Variants in DLG2 observed in about 807,000 individuals in gnomAD.
DLG2 encodes disks large homolog 2.
In DLG2, 45 loss-of-function variants were observed where a neutral mutation model predicts 132.5. The ratio of observed to expected loss-of-function variants is 0.34; its 90% CI spans 0.27 to 0.44. The LOEUF is 0.44. DLG2 is among the 20% of genes least tolerant of loss of function. The probability of loss-of-function intolerance (pLI) is 1.00; values close to 1 mark genes in which losing one functional copy is unlikely to be tolerated. For synonymous variants in DLG2, 424 were observed against 419.6 expected (o/e 1.01, Z -0.13); for missense variants, 1,045 against 1,196.9 (o/e 0.87, Z 1.87).
chr11:85,415,234 C>T (rs990137210), intron 3 of DLG2, among the ~76,000 whole-genome samples: 1 of 152,186 alleles, frequency 6.6e-6, no homozygotes, highest in African/African-American at 2.4e-5. Context: ...ATATATGTGC[C>T]ACATTTTCTT....
chr11:84,235,776 A>G (rs952178536), intron 8 of DLG2, among the ~76,000 whole-genome samples: 23 of 152,298 alleles, frequency 1.5e-4, no homozygotes, highest in Middle Eastern at 3.4e-3. Flanking sequence ...GAGGCAGGGT[A>G]GTATAATGCT....
At chr11:83,791,964 T>C (rs964370878) in intron 17 of DLG2, among the ~76,000 whole-genome samples, 1 of 152,262 alleles carries the variant, frequency 6.6e-6, no homozygotes, top group African/African-American at 2.4e-5. Flanking sequence ...TAATATATTA[T>C]TGCCTTTTTA....
chr11:84,003,931 G>A (rs1043157852), intron 11 of DLG2, among the ~76,000 whole-genome samples: 1 of 151,986 alleles, frequency 6.6e-6, no homozygotes, highest in African/African-American at 2.4e-5. Flanking sequence ...TATTAAGTAG[G>A]AAGTCTGAAA....
chr11:83,873,043 T>C (rs895186131), intron 16 of DLG2, among the ~76,000 whole-genome samples: 5 of 152,200 alleles, frequency 3.3e-5, no homozygotes, highest in African/African-American at 1.2e-4. Context: ...TTCTGCACGA[T>C]GTCTAACTTA....
At chr11:85,279,904 T>C (rs916991436) in intron 4 of DLG2, among the ~76,000 whole-genome samples, 1 of 152,008 alleles carries the variant, frequency 6.6e-6, no homozygotes, top group East Asian at 1.9e-4. Flanking sequence ...GTAACAGTAA[T>C]AGGTTTAAAT....
intron 7 of DLG2, among the ~76,000 whole-genome samples, chr11:84,348,668 G>A (rs1004048734): frequency 1.3e-5 from 2 of 152,178 alleles, no homozygotes; most frequent in East Asian, 1.9e-4. Flanking sequence ...CCTAGTACCT[G>A]TTGTGACTGT....
chr11:84,786,233 C>T (rs570739107), intron 6 of DLG2, among the ~76,000 whole-genome samples: 2 of 152,242 alleles, frequency 1.3e-5, no homozygotes, highest in South Asian at 4.1e-4. Flanking sequence ...TAAACTGTAA[C>T]TACCCTAAGC....
chr11:83,508,654 CCATAACA>C (rs2094856509), intron 21 of DLG2, among the ~76,000 whole-genome samples: 1 of 152,024 alleles, frequency 6.6e-6, no homozygotes, highest in Non-Finnish European at 1.5e-5. Flanking sequence ...TGAATCCTCC[CCATAACA>C]CTATGACATA....
chr11:84,612,818 G>A (rs1442526538), intron 6 of DLG2, among the ~76,000 whole-genome samples: 1 of 152,004 alleles, frequency 6.6e-6, no homozygotes, highest in African/African-American at 2.4e-5. Flanking sequence ...TTTCACAGAT[G>A]ACTCAATCTG....
At position 84,835,345 on chromosome 11, in the gene DLG2, G is replaced by A. The variant is rs182790278; in HGVS notation, c.357+276316C>T. Among the ~76,000 whole-genome samples the A allele has an allele frequency of 2.3e-4, 35 of 151,700 alleles. No individual in the cohort carries two copies. The East Asian group carries it at 5.1e-3, about 22-fold the overall frequency. ...CCTACATTTTAATCTTCCTGTGTTT[G>A]CTTTATGATAGATGCAAATTTGGGT... On this transcript the variant is annotated intron_variant, in intron 6 of 27. Coordinates refer to ENST00000376104, the MANE Select transcript of DLG2 (RefSeq NM_001142699.3).
intron 15 of DLG2, among the ~76,000 whole-genome samples, chr11:83,881,191 T>C (rs1181678426): frequency 6.6e-6 from 1 of 152,204 alleles, no homozygotes; most frequent in Non-Finnish European, 1.5e-5. Flanking sequence ...TTGGATCCCA[T>C]ACTCCTGTCA....
intron 3 of DLG2, among the ~76,000 whole-genome samples, chr11:85,563,640 A>C (rs2077374230): frequency 6.6e-6 from 1 of 151,924 alleles, no homozygotes; most frequent in Non-Finnish European, 1.5e-5. Flanking sequence ...CATGTTGTAT[A>C]GTTTAATGAA....
intron 10 of DLG2, among the ~76,000 whole-genome samples, chr11:84,092,777 C>T (rs1243265200): frequency 6.6e-6 from 1 of 152,124 alleles, no homozygotes; most frequent in Non-Finnish European, 1.5e-5. Context: ...GTGGCTCACA[C>T]CTGTAATCCC....
chr11:84,250,288 C>G (rs1356810547), intron 8 of DLG2, among the ~76,000 whole-genome samples: 17 of 152,130 alleles, frequency 1.1e-4, no homozygotes, highest in African/African-American at 3.9e-4. Context: ...TCTGACTGCT[C>G]CATTTGTTTC....
intron 7 of DLG2, among the ~76,000 whole-genome samples, chr11:84,382,069 A>G (rs910875832): frequency 6.6e-6 from 1 of 152,170 alleles, no homozygotes; most frequent in Non-Finnish European, 1.5e-5. Flanking sequence ...CAGAAAGACA[A>G]TAAATATCCA....
chr11:84,937,728 G>A (rs537728459), intron 6 of DLG2, among the ~76,000 whole-genome samples: 1 of 152,240 alleles, frequency 6.6e-6, no homozygotes, highest in East Asian at 1.9e-4. Context: ...TTAAATACAG[G>A]AATTTTGTTT....
At chr11:83,615,270 G>T (rs1382557701) in intron 19 of DLG2, among the ~76,000 whole-genome samples, 1 of 152,106 alleles carries the variant, frequency 6.6e-6, no homozygotes, top group Non-Finnish European at 1.5e-5. Context: ...CAAATAACAG[G>T]GCTATGTTGT....
At chr11:84,326,464 G>A (rs962487446) in intron 7 of DLG2, among the ~76,000 whole-genome samples, 2 of 151,944 alleles carry the variant, frequency 1.3e-5, no homozygotes, top group Admixed American at 6.6e-5. Context: ...TCTGATTTCC[G>A]TTTTGATTTC....
intron 4 of DLG2, among the ~76,000 whole-genome samples, chr11:85,253,906 G>A (rs529431720): frequency 1.2e-4 from 18 of 152,198 alleles, no homozygotes; most frequent in East Asian, 1.9e-4. Flanking sequence ...CTGAATCTAC[G>A]CCATCAATCT....
Sources: allele counts gnomAD v4.1 joint callset (sites outside exome capture counted in the v4.1 genomes callset), GRCh38; gene constraint gnomAD v4.1.1; transcripts MANE v1.5; gene names NCBI Gene and HGNC (gene_info 2026-07-23, HGNC 2026-07-21).